Variants in GPC5 observed in about 807,000 individuals in gnomAD.
The protein encoded by GPC5 is glypican 5.
In GPC5, 47 loss-of-function variants were observed where a neutral mutation model predicts 53.9. The ratio of observed to expected loss-of-function variants is 0.87; its 90% CI spans 0.69 to 1.11. The LOEUF (loss-of-function observed/expected upper bound fraction) is 1.11, where lower values mean the gene tolerates loss of function less well. GPC5 is among the 50% of genes most tolerant of loss of function. GPC5 has a pLI of 0.00. For missense variants in GPC5, 748 were observed against 713.1 expected (o/e 1.05, Z -0.56); for synonymous variants, 286 against 263.3 (o/e 1.09, Z -0.84).
At chr13:92,813,313 T>C (rs1877359704) in intron 7 of GPC5, among the ~76,000 whole-genome samples, 2 of 151,770 alleles carry the variant, frequency 1.3e-5, no homozygotes, top group Non-Finnish European at 1.5e-5. Context: ...TTTTGTAATC[T>C]TTTTTTTAGT....
chr13:92,110,569 A>G (rs535238275), intron 6 of GPC5, among the ~76,000 whole-genome samples: 66 of 152,258 alleles, frequency 4.3e-4, no homozygotes, highest in Middle Eastern at 3.4e-3. Flanking sequence ...AACATTCAGA[A>G]TTTAAAGAGG....
At chr13:91,955,252 A>G (rs183071401) in intron 6 of GPC5, among the ~76,000 whole-genome samples, 1 of 152,324 alleles carries the variant, frequency 6.6e-6, no homozygotes, top group Non-Finnish European at 1.5e-5. Context: ...AATTGGAGGA[A>G]CGCAAATAGC....
intron 7 of GPC5, among the ~76,000 whole-genome samples, chr13:92,611,322 G>A (rs1884429216): frequency 6.6e-6 from 1 of 152,046 alleles, no homozygotes; most frequent in Non-Finnish European, 1.5e-5. Flanking sequence ...GTAATCCCAG[G>A]ACCGGATGAC....
intron 7 of GPC5, among the ~76,000 whole-genome samples, chr13:92,414,827 G>A (rs949131154): frequency 6.6e-6 from 1 of 152,124 alleles, no homozygotes; most frequent in African/African-American, 2.4e-5. Flanking sequence ...GTCCACCTTG[G>A]TGGAATGGGT....
intron 7 of GPC5, among the ~76,000 whole-genome samples, chr13:92,521,069 G>A (rs1157694649): frequency 1.3e-5 from 2 of 152,230 alleles, no homozygotes; most frequent in South Asian, 4.2e-4. Context: ...CAACTTACAA[G>A]GGATGTGAAG....
In GPC5 at chr13:91,905,172, T is replaced by A. The variant is rs186305293; in HGVS notation, c.1281-2765T>A. Reference sequence around the variant, plus strand: ...TATTTATTCATATTATTCACTATCATTACAAATATTCAACACATTAATAAA... The same window carrying A: ...TATTTATTCATATTATTCACTATCAATACAAATATTCAACACATTAATAAA... On this transcript the variant is annotated intron_variant, in intron 5 of 7. Transcript: ENST00000377067. Among the ~76,000 whole-genome samples the A allele has an allele frequency of 3.4e-3, 510 of 152,146 alleles. 2 individuals are homozygous for A. Among genetic ancestry groups the A allele is most frequent in the African/African-American group, 0.012 (494 of 41,528 alleles).
chr13:92,611,941 G>T (rs1365577819), intron 7 of GPC5, among the ~76,000 whole-genome samples: 1 of 152,074 alleles, frequency 6.6e-6, no homozygotes, highest in Non-Finnish European at 1.5e-5. Context: ...CATGAAAATT[G>T]CATGGTAGGC....
intron 7 of GPC5, among the ~76,000 whole-genome samples, chr13:92,715,945 T>C (rs752856676): frequency 1.3e-5 from 2 of 152,238 alleles, no homozygotes; most frequent in Non-Finnish European, 2.9e-5. Context: ...ACAGACTATA[T>C]GCAAAACATG....
intron 5 of GPC5, among the ~76,000 whole-genome samples, chr13:91,860,982 T>C (rs2039021519): frequency 6.6e-6 from 1 of 152,256 alleles, no homozygotes; most frequent in African/African-American, 2.4e-5. Context: ...TTATGAACTA[T>C]GAGTTAGTGT....
chr13:91,591,211 T>A (rs9523369), intron 2 of GPC5, among the ~76,000 whole-genome samples: 19,244 of 152,146 alleles, frequency 0.13, 1,605 homozygotes, highest in Non-Finnish European at 0.18. Context: ...TGAGAACAAA[T>A]CTTCCACCAG....
At chr13:91,650,750 G>GTTTTTTTTTTTTTTTTTTTTTTTTTTTTT (rs67507888) in intron 2 of GPC5, among the ~76,000 whole-genome samples, 7 of 99,602 alleles carry the variant, frequency 7.0e-5, no homozygotes, top group Middle Eastern at 6.0e-3. Flanking sequence ...ATTCCCATAA[G>GTTTTTTTTTTTTTTTTTTTTTTTTTTTTT]TTTTTTTTTT....
intron 7 of GPC5, among the ~76,000 whole-genome samples, chr13:92,771,403 C>A (rs749336111): frequency 6.6e-6 from 1 of 152,106 alleles, no homozygotes; most frequent in African/African-American, 2.4e-5. Flanking sequence ...AGTCCAGTGG[C>A]GTGATTTCGG....
intron 7 of GPC5, among the ~76,000 whole-genome samples, chr13:92,274,086 A>G (rs1257135944): frequency 1.3e-5 from 2 of 152,250 alleles, no homozygotes; most frequent in African/African-American, 4.8e-5. Flanking sequence ...TACTTTCTGA[A>G]AGTGGTTATA....
intron 1 of GPC5, among the ~76,000 whole-genome samples, chr13:91,402,048 A>T (rs1876992522): frequency 6.6e-6 from 1 of 152,014 alleles, no homozygotes; most frequent in Non-Finnish European, 1.5e-5. Context: ...TTTATTGGGG[A>T]TGGGGATAAT....
chr13:92,741,348 C>T (rs1007741504), intron 7 of GPC5, among the ~76,000 whole-genome samples: 6 of 151,828 alleles, frequency 4.0e-5, no homozygotes, highest in Non-Finnish European at 8.8e-5. Context: ...TGTATTCAGG[C>T]AGACCCTTTG....
chr13:92,543,068 T>G (rs1285237572), intron 7 of GPC5, among the ~76,000 whole-genome samples: 2 of 152,058 alleles, frequency 1.3e-5, no homozygotes, highest in African/African-American at 4.8e-5. Flanking sequence ...AAATAAGTGT[T>G]GCATGCCTTT....
At chr13:92,499,264 A>T (rs956069548) in intron 7 of GPC5, among the ~76,000 whole-genome samples, 1 of 152,304 alleles carries the variant, frequency 6.6e-6, no homozygotes, top group African/African-American at 2.4e-5. Context: ...ACCTAGGAGG[A>T]ATCTTCCTGA....
intron 2 of GPC5, among the ~76,000 whole-genome samples, chr13:91,668,603 G>A (rs967327601): frequency 6.6e-6 from 1 of 151,722 alleles, no homozygotes; most frequent in Non-Finnish European, 1.5e-5. Flanking sequence ...CTCTTTTGAT[G>A]TATATTCTCT....
intron 7 of GPC5, among the ~76,000 whole-genome samples, chr13:92,231,123 T>C (rs1223128550): frequency 6.6e-6 from 1 of 152,158 alleles, no homozygotes; most frequent in African/African-American, 2.4e-5. Flanking sequence ...TTGTAAGATT[T>C]TTCTGAGGCT....
Sources: gnomAD v4.1 joint callset for allele counts (sites outside exome capture counted in the v4.1 genomes callset) on GRCh38, gnomAD v4.1.1 for gene constraint, MANE v1.5 for transcripts, NCBI Gene and HGNC (gene_info 2026-07-23, HGNC 2026-07-21) for gene names.